WNT7B: variants seen among roughly 807,000 people sequenced by gnomAD.
WNT7B encodes protein Wnt-7b.
Under a neutral mutation model 38.2 loss-of-function variants are expected in WNT7B, and 19 were observed. The observed-to-expected ratio is 0.50, with a 90% CI of 0.35 to 0.73. The LOEUF is 0.73. Among genes scored for constraint, WNT7B ranks in the 30% least tolerant of loss-of-function variants. The pLI, the probability that WNT7B is intolerant of heterozygous loss-of-function variation, is 0.01. For missense variants in WNT7B, 423 were observed against 507.9 expected, an observed-to-expected ratio of 0.83 and a Z score of 1.61; for synonymous variants, 243 against 209.3, an observed-to-expected ratio of 1.16 and a Z score of -1.39.
At chr22:45,971,394 G>A (rs974492486) in intron 1 of WNT7B, among the ~76,000 whole-genome samples, 6 of 152,210 alleles carry the variant, frequency 3.9e-5, no homozygotes, top group African/African-American at 1.4e-4. Context: ...GGAATTCGGC[G>A]AAGCCACCAC....
At chr22:45,929,474 T>TTCCATCCA (rs1931220483) in intron 3 of WNT7B, among the ~76,000 whole-genome samples, 1 of 86,898 alleles carries the variant, frequency 1.2e-5, no homozygotes, top group Non-Finnish European at 2.2e-5. Flanking sequence ...CTACTTATCC[T>TTCCATCCA]TCCATCTGTA....
intron 1 of WNT7B, chr22:45,972,071 C>A (rs1013881564): frequency 3.8e-6 from 2 of 525,416 alleles, no homozygotes; most frequent in Non-Finnish European, 6.7e-6. Flanking sequence ...GCCTCGCTGC[C>A]GCGTTCCCTG....
rs141904678 is a variant in WNT7B at position 45,929,695 on chromosome 22, C to CCCATCCCATTTT, written c.570+1402_570+1403insAAAATGGGATGG. Among the ~76,000 whole-genome samples the CCCATCCCATTTT allele has an allele frequency of 7.1e-5, 10 of 140,364 alleles. No homozygotes were observed. The South Asian group carries it at 2.4e-3, about 34-fold the overall frequency. 92.1% of individuals were successfully genotyped at this position (140,364 alleles called of 152,430 possible). On this transcript the variant is annotated intron_variant, in intron 3 of 3. Coordinates refer to ENST00000339464, the MANE Select transcript of WNT7B (RefSeq NM_058238.3). Reference sequence around the variant, plus strand: ...ATCCTTCCCTCCATACTTCCATCCACCCATCTTTCCATCCACCCGTGAATC... The same window carrying CCCATCCCATTTT: ...ATCCTTCCCTCCATACTTCCATCCACCCATCCCATTTTCCATCTTTCCATCCACCCGTGAATC...
In WNT7B at chr22:45,951,397, G is replaced by A. The variant is rs10453457; in HGVS notation, c.72-1251C>T. On this transcript the variant is annotated intron_variant, in intron 1 of 3. Transcript: ENST00000339464. This position sits in a 1 kb window ranked among gnomAD's most constrained non-coding sequence, Gnocchi z 4.8. ...CAGCCTTGTGTGTTTTTTTAATGAG[G>A]TGAAATTCCCATAACATAAAATGAA... is the stretch of plus-strand genomic sequence containing the variant. 0.059 allele frequency among the ~76,000 whole-genome samples: 8,961 copies of A among 151,996 alleles called. 557 individuals carry two copies. The highest frequency in any genetic ancestry group is 0.16 in the African/African-American group (6,704 of 41,400).
At chr22:45,956,642 G>GA (rs1932069095) in intron 1 of WNT7B, among the ~76,000 whole-genome samples, 1 of 152,236 alleles carries the variant, frequency 6.6e-6, no homozygotes, top group South Asian at 2.1e-4. Flanking sequence ...GCACAAATGG[G>GA]AAACAATCCA....
intron 2 of WNT7B, among the ~76,000 whole-genome samples, 188 bp from the exon 3 acceptor site, chr22:45,931,557 G>A (rs1483102971): frequency 1.3e-5 from 2 of 152,146 alleles, no homozygotes; most frequent in Non-Finnish European, 2.9e-5. Flanking sequence ...CAGGGCTATG[G>A]TAGGGGCAGC....
intron 1 of WNT7B, among the ~76,000 whole-genome samples, chr22:45,955,682 G>A (rs778873436): frequency 4.6e-5 from 7 of 152,186 alleles, no homozygotes; most frequent in African/African-American, 9.7e-5. Flanking sequence ...ATGGGGCCTC[G>A]GGACAGGCGA....
chr22:45,960,552 C>A (rs1283483089), intron 1 of WNT7B, among the ~76,000 whole-genome samples: 2 of 152,224 alleles, frequency 1.3e-5, no homozygotes, highest in Non-Finnish European at 2.9e-5. Context: ...TGGGCCTGAT[C>A]TTCAGCCTCC....
At chr22:45,925,860 T>C in intron 3 of WNT7B, 1 of 985,354 alleles carries the variant, frequency 1.0e-6, no homozygotes. Context: ...GGCAGGCCTG[T>C]CCAGACTAGA....
Position 45,926,380 on chromosome 22 carries a change from G to A in WNT7B, c.571-3045C>T, listed in dbSNP as rs986081497. ...GGCCTTGGTTCCTCCTCGACGCTGGGGGCCTGGTTGGGCAGGGGGGTGGTG... is the reference window on the plus strand; with the variant it reads ...GGCCTTGGTTCCTCCTCGACGCTGGAGGCCTGGTTGGGCAGGGGGGTGGTG... On this transcript the variant is annotated intron_variant, in intron 3 of 3. Transcript: ENST00000339464. The A allele has an allele frequency of 1.6e-5, 16 of 985,392 alleles. No individual in the cohort carries two copies. In the Admixed American group the frequency reaches 9.2e-4, roughly 57 times the overall value. The allele number at this position is 985,392 out of a possible 1,614,324, so 61.0% of individuals were successfully genotyped here.
At chr22:45,924,046 C>T (rs1489934313) in intron 3 of WNT7B, among the ~76,000 whole-genome samples, 2 of 152,244 alleles carry the variant, frequency 1.3e-5, no homozygotes, top group African/African-American at 4.8e-5. Flanking sequence ...AAGGCTGATT[C>T]CCAGAGCCAG....
intron 1 of WNT7B, among the ~76,000 whole-genome samples, chr22:45,957,682 C>CAAAAAAAAAAAAAAAAAAAAAAAA (rs367797133): frequency 2.8e-5 from 1 of 36,012 alleles, no homozygotes; most frequent in African/African-American, 9.6e-5. Context: ...GACTCCGTCT[C>CAAAAAAAAAAAAAAAAAAAAAAAA]AAAAAAAAAA....
chr22:45,931,268 C>G lies in WNT7B; in HGVS notation c.400G>C (p.Asp134His), dbSNP rs202233642. The G allele has an allele frequency of 1.3e-6, 2 of 1,598,630 alleles. No individual in the cohort carries two copies. Among genetic ancestry groups the G allele is most frequent in the Admixed American group, 1.7e-5 (1 of 59,988 alleles). The change falls in exon 3 of 4, where the codon GAC (aspartate) becomes CAC (histidine). Residue 134 changes from aspartate (D) to histidine (H), a missense_variant. Coordinates refer to ENST00000339464, the MANE Select transcript of WNT7B (RefSeq NM_058238.3). ...TTGTAGTAGCCCTGCTTCTCGCGGT[C>G]GCAGCCGCAGTTGCTCAGGTTCCCT... ...SQGNLSNCGC[D>H]REKQGYYNQA...
chr22:45,972,663 T>C (rs990072643), intron 1 of WNT7B: 1 of 151,768 alleles, frequency 6.6e-6, no homozygotes, highest in African/African-American at 2.4e-5. Context: ...GACCGGAGCG[T>C]GCGGTGGGAG....
chr22:45,934,178 G>A (rs1931452896), intron 2 of WNT7B, among the ~76,000 whole-genome samples: 2 of 152,220 alleles, frequency 1.3e-5, no homozygotes, highest in Non-Finnish European at 2.9e-5. Context: ...CAAACCCAGG[G>A]AATGAATTCA....
At position 45,951,636 on chromosome 22, in the gene WNT7B, C is replaced by T. The variant is rs1931935072; in HGVS notation, c.72-1490G>A. ...GATGTTTCCTATGGATGGAACCATT[C>T]ATTGTGTGACCTTTGGCGTCTGGCT... On this transcript the variant is annotated intron_variant, in intron 1 of 3. Coordinates refer to ENST00000339464, the MANE Select transcript of WNT7B (RefSeq NM_058238.3). This position sits in a 1 kb window ranked among gnomAD's most constrained non-coding sequence, Gnocchi z 4.8. Among the ~76,000 whole-genome samples, 1 of 152,182 alleles carries T rather than the reference C, an allele frequency of 6.6e-6. No homozygotes were observed. Among genetic ancestry groups the T allele is most frequent in the Non-Finnish European group, 1.5e-5 (1 of 68,042 alleles).
intron 3 of WNT7B, chr22:45,925,958 G>A: frequency 1.0e-6 from 1 of 985,282 alleles, no homozygotes; most frequent in Non-Finnish European, 1.2e-6. Flanking sequence ...ACTGTGCCCT[G>A]TATCCCTCCC....
Position 45,951,541 on chromosome 22 carries a change from T to A in WNT7B, c.72-1395A>T, listed in dbSNP as rs1931933292. On this transcript the variant is annotated intron_variant, in intron 1 of 3. Transcript: ENST00000339464. The surrounding 1 kb of genome is among the most constrained non-coding windows in gnomAD (Gnocchi z 4.8). ...GAAGGAAACTGTACCCATCAGTCAC[T>A]CCCCGTTCTCCCCTCCCCGACCCAG... Among the ~76,000 whole-genome samples the A allele has an allele frequency of 6.6e-6, 1 of 152,162 alleles. No individual in the cohort carries two copies. Among genetic ancestry groups the A allele is most frequent in the Non-Finnish European group, 1.5e-5 (1 of 68,016 alleles).
intron 2 of WNT7B, among the ~76,000 whole-genome samples, chr22:45,939,627 C>G (rs1490368695): frequency 1.0e-5 from 1 of 97,792 alleles, no homozygotes. Flanking sequence ...AACCCTGTCT[C>G]TACAAACACA....
Sources: gnomAD v4.1 joint callset for allele counts (sites outside exome capture counted in the v4.1 genomes callset) on GRCh38, gnomAD v4.1.1 for gene constraint, Gnocchi (gnomAD v3.1) non-coding constraint, MANE v1.5 for transcripts, NCBI Gene and HGNC (gene_info 2026-07-23, HGNC 2026-07-21) for gene names.